The following FANCL variants were observed in gnomAD, a reference collection of about 807,000 sequenced individuals.
FANCL encodes the protein E3 ubiquitin-protein ligase FANCL.
Under a neutral mutation model 59.4 loss-of-function variants are expected in FANCL, and 69 were observed. The ratio of observed to expected loss-of-function variants is 1.16; its 90% CI spans 0.96 to 1.42. The LOEUF (loss-of-function observed/expected upper bound fraction) is 1.42. Ranked by LOEUF, FANCL falls within the 40% of genes most tolerant of loss-of-function variation. FANCL has a pLI of 0.00. For missense variants in FANCL, 519 were observed against 447.2 expected, an observed-to-expected ratio of 1.16 and a Z score of -1.45; for synonymous variants, 180 against 147.1, an observed-to-expected ratio of 1.22 and a Z score of -1.62.
At chr2:58,175,134 G>A (rs4672231) in intron 7 of FANCL, among the ~76,000 whole-genome samples, 101,850 of 140,468 alleles carry the variant, frequency 0.73, 37,976 homozygotes, top group African/African-American at 0.91. Flanking sequence ...AAATTGTGGC[G>A]AAAATCAATA....
At chr2:58,176,608 A>C (rs1687345773) in intron 7 of FANCL, among the ~76,000 whole-genome samples, 1 of 152,214 alleles carries the variant, frequency 6.6e-6, no homozygotes, top group African/African-American at 2.4e-5. Context: ...TCCCTTCCTT[A>C]CACCTTATAC....
intron 1 of FANCL, among the ~76,000 whole-genome samples, chr2:58,234,006 A>G (rs2103950163): frequency 6.6e-6 from 1 of 152,228 alleles, no homozygotes; most frequent in African/African-American, 2.4e-5. Flanking sequence ...CATTAAATAA[A>G]TTGTACAATA....
At chr2:58,204,835 T>G (rs1318724363) in intron 5 of FANCL, among the ~76,000 whole-genome samples, 1 of 152,122 alleles carries the variant, frequency 6.6e-6, no homozygotes, top group East Asian at 1.9e-4. Flanking sequence ...TCAAGATGAC[T>G]AATATTCTAA....
chr2:58,161,227 A>C (rs547825207), intron 12 of FANCL, among the ~76,000 whole-genome samples: 1 of 152,020 alleles, frequency 6.6e-6, no homozygotes, highest in Non-Finnish European at 1.5e-5. Flanking sequence ...AGGAATTTAT[A>C]GAAAGATTCC....
At chr2:58,217,192 A>T (rs1405257244) in intron 5 of FANCL, among the ~76,000 whole-genome samples, 19 of 4,642 alleles carry the variant, frequency 4.1e-3, no homozygotes, top group African/African-American at 0.028. Flanking sequence ...ATATATATAT[A>T]TATATATATA....
At chr2:58,215,729 C>T (rs1238485602) in intron 5 of FANCL, among the ~76,000 whole-genome samples, 2 of 151,122 alleles carry the variant, frequency 1.3e-5, no homozygotes, top group Admixed American at 6.6e-5. Context: ...GCATCATTTC[C>T]GCCAATCTCT....
At chr2:58,204,322 T>C (rs1690360471) in intron 5 of FANCL, 96 bp from the exon 6 acceptor site, 3 of 917,844 alleles carry the variant, frequency 3.3e-6, no homozygotes, top group Admixed American at 3.5e-5. Context: ...ATTTGCTATA[T>C]TCCTATTAAT....
At chr2:58,234,150 A>G (rs1391887061) in intron 1 of FANCL, among the ~76,000 whole-genome samples, 1 of 152,100 alleles carries the variant, frequency 6.6e-6, no homozygotes, top group Non-Finnish European at 1.5e-5. Flanking sequence ...AGAAACAAAA[A>G]GAGACTCACA....
At chr2:58,223,035 C>A (rs1692637485) in intron 4 of FANCL, among the ~76,000 whole-genome samples, 1 of 148,842 alleles carries the variant, frequency 6.7e-6, no homozygotes, top group East Asian at 2.0e-4. Flanking sequence ...AGGACACTAT[C>A]AAATTGAGAT....
At chr2:58,179,750 G>A (rs1573599130) in intron 7 of FANCL, among the ~76,000 whole-genome samples, 1 of 152,064 alleles carries the variant, frequency 6.6e-6, no homozygotes, top group Non-Finnish European at 1.5e-5. Context: ...AAACTAAAGA[G>A]CTCCTTCACA....
intron 5 of FANCL, among the ~76,000 whole-genome samples, chr2:58,221,111 G>A (rs1469829350): frequency 6.6e-6 from 1 of 152,022 alleles, no homozygotes; most frequent in Non-Finnish European, 1.5e-5. Context: ...TACTCGGGAG[G>A]CTGAGGCAGG....
At chr2:58,173,134 A>C (rs1365768576) in intron 7 of FANCL, among the ~76,000 whole-genome samples, 5 of 152,232 alleles carry the variant, frequency 3.3e-5, no homozygotes, top group Admixed American at 3.3e-4. Flanking sequence ...ATATGGCACC[A>C]TGTGAAAAGA....
chr2:58,207,003 A>C (rs1690653437), intron 5 of FANCL, among the ~76,000 whole-genome samples: 1 of 151,844 alleles, frequency 6.6e-6, no homozygotes, highest in African/African-American at 2.4e-5. Context: ...CCCCCACTCA[A>C]CTCTCAATAA....
At position 58,231,949 on chromosome 2, in the gene FANCL, A is replaced by G; in HGVS notation, c.155+105T>C. The G allele has an allele frequency of 3.3e-6, 3 of 900,692 alleles. No individual in the cohort carries two copies. In the South Asian group the frequency reaches 4.2e-5, roughly 13 times the overall value. 55.8% of individuals were successfully genotyped at this position (900,692 alleles called of 1,614,324 possible). A position where few individuals can be genotyped will look rare whatever the true frequency, so the allele number is the denominator to read the frequency against. ...TTTCTTTTGGGGCAAATGACTAATA[A>G]GCATTTTAGGCAAAACTCTAGTCAC... On this transcript the variant is annotated intron_variant, in intron 2 of 13. Transcript: ENST00000233741.
intron 5 of FANCL, among the ~76,000 whole-genome samples, chr2:58,206,396 T>G (rs1690586784): frequency 6.6e-6 from 1 of 152,154 alleles, no homozygotes; most frequent in Admixed American, 6.6e-5. Flanking sequence ...AGACTGGGGA[T>G]AGAAAATAAT....
In FANCL at chr2:58,181,710, C is replaced by A. The variant is rs796912489; in HGVS notation, c.541-15836G>T. 2.6e-5 allele frequency among the ~76,000 whole-genome samples: 4 copies of A among 152,022 alleles called. No homozygotes were observed. The East Asian group carries it at 7.7e-4, about 29-fold the overall frequency. On this transcript the variant is annotated intron_variant, in intron 7 of 13. Transcript: ENST00000233741. ...AACTATCAAATTTAGATGGTGGATA[C>A]ATGGGTATTCACCATTAACTTTTTC...
At chr2:58,161,695 A>T (rs1208790666) in intron 11 of FANCL, 57 bp from the exon 12 acceptor site, 4 of 1,159,718 alleles carry the variant, frequency 3.4e-6, no homozygotes, top group Non-Finnish European at 5.2e-6. Context: ...TATTCGTTGT[A>T]CATATTTGGG....
At chr2:58,229,899 G>A (rs1187745870) in intron 2 of FANCL, 25 bp from the exon 3 acceptor site, 1 of 1,534,404 alleles carries the variant, frequency 6.5e-7, no homozygotes, top group Non-Finnish European at 9.0e-7. Flanking sequence ...AGACAAAATG[G>A]TTTATTCATT....
At chr2:58,159,246 A>G, downstream of FANCL, 1 of 871,412 alleles carries the variant, frequency 1.1e-6, no homozygotes, top group Non-Finnish European at 1.7e-6. Context: ...CAAAAACTTG[A>G]TCTTGTATAA....
Sources: gnomAD v4.1 joint callset for allele counts (sites outside exome capture counted in the v4.1 genomes callset) on GRCh38, gnomAD v4.1.1 for gene constraint, MANE v1.5 for transcripts, NCBI Gene and HGNC (gene_info 2026-07-23, HGNC 2026-07-21) for gene names.